Variants in PLD5 observed in about 807,000 individuals in gnomAD.
PLD5 encodes inactive phospholipase D5.
A neutral mutation model predicts 61.1 loss-of-function variants in PLD5; 36 were observed. The observed-to-expected ratio is 0.59, with a 90% CI of 0.45 to 0.78. The LOEUF is 0.78. Ranked by LOEUF, PLD5 falls within the 30% of genes least tolerant of loss-of-function variation. The probability of loss-of-function intolerance (pLI) is 0.00; values close to 1 mark genes in which losing one functional copy is unlikely to be tolerated. For missense variants in PLD5, 515 were observed against 644.4 expected (o/e 0.80, Z 2.17); for synonymous variants, 243 against 242.8 (o/e 1.00, Z -0.01).
intron 1 of PLD5, among the ~76,000 whole-genome samples, chr1:242,412,795 C>T (rs1011879302): frequency 8.5e-5 from 13 of 152,130 alleles, no homozygotes; most frequent in East Asian, 1.9e-4. Context: ...GATTTTCATG[C>T]GAATACAAGT....
rs1484588344 is a variant in PLD5 at position 242,382,935 on chromosome 1, G to GCAAAATAT, written c.190-34694_190-34693insATATTTTG. Among the ~76,000 whole-genome samples the GCAAAATAT allele has an allele frequency of 3.2e-3, 482 of 152,282 alleles. 4 individuals are homozygous for GCAAAATAT. Among genetic ancestry groups the GCAAAATAT allele is most frequent in the African/African-American group, 0.011 (459 of 41,572 alleles). ...ATATGTCTTTAGCAAAATATTTGCA[G>GCAAAATAT]GTGTAAAAATCATTTCTCTTAGATT... On this transcript the variant is annotated intron_variant, in intron 1 of 9. Transcript: ENST00000536534.
intron 9 of PLD5, among the ~76,000 whole-genome samples, chr1:242,094,049 C>T (rs1347387743): frequency 6.6e-6 from 1 of 152,080 alleles, no homozygotes; most frequent in Non-Finnish European, 1.5e-5. Context: ...CTTTCACTTC[C>T]TGACCGTCTG....
intron 1 of PLD5, among the ~76,000 whole-genome samples, chr1:242,373,112 C>T (rs1441247743): frequency 1.3e-5 from 2 of 152,108 alleles, no homozygotes; most frequent in Admixed American, 1.3e-4. Context: ...AAACAACAAC[C>T]CCATCAAAAA....
chr1:242,207,766 ATATATATTTATATATATT>A (rs1181071223), intron 5 of PLD5, among the ~76,000 whole-genome samples: 3 of 93,602 alleles, frequency 3.2e-5, no homozygotes, highest in African/African-American at 1.7e-4. Flanking sequence ...ATTTATATTT[ATATATATTTATATATATT>A]TATATTTATA....
At chr1:242,254,819 T>C (rs1391046197) in intron 4 of PLD5, among the ~76,000 whole-genome samples, 1 of 152,230 alleles carries the variant, frequency 6.6e-6, no homozygotes, top group African/African-American at 2.4e-5. Flanking sequence ...ATTACGCTGC[T>C]AATTATCACT....
At chr1:242,312,587 C>T (rs1486962622) in intron 2 of PLD5, among the ~76,000 whole-genome samples, 1 of 152,198 alleles carries the variant, frequency 6.6e-6, no homozygotes. Context: ...CCTGCTTCTT[C>T]TCCTATCTTC....
intron 1 of PLD5, among the ~76,000 whole-genome samples, chr1:242,465,000 G>C (rs1196352781): frequency 2.6e-5 from 4 of 152,060 alleles, no homozygotes; most frequent in Admixed American, 2.6e-4. Context: ...CTTGGAAAAG[G>C]AAAAAATGGC....
chr1:242,289,408 G>T (rs1005408409), intron 2 of PLD5, among the ~76,000 whole-genome samples: 8 of 152,114 alleles, frequency 5.3e-5, no homozygotes, highest in Non-Finnish European at 8.8e-5. Context: ...GAGTGCAGTG[G>T]TGCGATCTTG....
At chr1:242,529,520 G>A (rs538366273), upstream of PLD5, among the ~76,000 whole-genome samples, 1 of 152,242 alleles carries the variant, frequency 6.6e-6, no homozygotes, top group East Asian at 1.9e-4. Flanking sequence ...AGAGACACAA[G>A]GACCAAGGGG....
chr1:242,489,042 T>C (rs540953777), intron 1 of PLD5, among the ~76,000 whole-genome samples: 1 of 152,254 alleles, frequency 6.6e-6, no homozygotes, highest in South Asian at 2.1e-4. Context: ...GAATGAACTA[T>C]TGACATCTGC....
chr1:242,507,950 G>A (rs953055412), intron 1 of PLD5, among the ~76,000 whole-genome samples: 1 of 150,980 alleles, frequency 6.6e-6, no homozygotes, highest in African/African-American at 2.4e-5. Context: ...ATGATATTAA[G>A]TTTGCCTTTT....
intron 4 of PLD5, among the ~76,000 whole-genome samples, chr1:242,257,935 A>G (rs923663195): frequency 5.9e-5 from 9 of 152,198 alleles, no homozygotes; most frequent in African/African-American, 2.2e-4. Flanking sequence ...CGTGTTTGCT[A>G]TCCCTCTTCT....
chr1:242,174,308 T>C (rs1014448560), intron 5 of PLD5, among the ~76,000 whole-genome samples: 5 of 151,844 alleles, frequency 3.3e-5, no homozygotes, highest in African/African-American at 1.2e-4. Context: ...ATGCTCATCA[T>C]CACTGGCCAT....
At chr1:242,235,936 T>G (rs1671612273) in intron 4 of PLD5, 1 of 152,216 alleles carries the variant, frequency 6.6e-6, no homozygotes, top group Non-Finnish European at 1.5e-5. Flanking sequence ...AAGAAAGTAT[T>G]AAATCAAGCT....
chr1:242,235,128 C>T (rs940527472), intron 4 of PLD5, among the ~76,000 whole-genome samples: 4 of 152,080 alleles, frequency 2.6e-5, no homozygotes, highest in Admixed American at 6.5e-5. Flanking sequence ...CTTTTGTAAC[C>T]GCTCATCACA....
intron 1 of PLD5, among the ~76,000 whole-genome samples, chr1:242,407,639 G>A (rs1051674750): frequency 6.6e-6 from 1 of 151,326 alleles, no homozygotes; most frequent in Non-Finnish European, 1.5e-5. Flanking sequence ...GAGTGCAGTG[G>A]GGCAATCTCA....
intron 1 of PLD5, among the ~76,000 whole-genome samples, chr1:242,447,542 C>A (rs1469397500): frequency 6.6e-6 from 1 of 152,192 alleles, no homozygotes; most frequent in Non-Finnish European, 1.5e-5. Context: ...AAATTATTGC[C>A]ATTTTAGTGT....
chr1:242,507,427 G>A (rs768696032), intron 1 of PLD5, among the ~76,000 whole-genome samples: 66 of 152,286 alleles, frequency 4.3e-4, no homozygotes, highest in Non-Finnish European at 9.1e-4. Flanking sequence ...TTCTTCTTAG[G>A]AAGGTGCTGC....
intron 1 of PLD5, among the ~76,000 whole-genome samples, chr1:242,444,792 C>T (rs183971885): frequency 0.011 from 393 of 37,234 alleles, 3 homozygotes; most frequent in African/African-American, 0.039. Context: ...ACCACATTGT[C>T]ACTCACTTCT....
Sources: gnomAD v4.1 joint callset for allele counts (sites outside exome capture counted in the v4.1 genomes callset) on GRCh38, gnomAD v4.1.1 for gene constraint, MANE v1.5 for transcripts, NCBI Gene and HGNC (gene_info 2026-07-23, HGNC 2026-07-21) for gene names.